SLC71A1: variants seen among roughly 807,000 people sequenced by gnomAD.
SLC71A1 encodes the protein hippocampus abundant gene transcript 1.
chr1:100,063,475 A>G, the SLC71A1 span, among the ~76,000 whole-genome samples: 1 of 151,886 alleles, frequency 6.6e-6, no homozygotes, highest in Non-Finnish European at 1.5e-5. Flanking sequence ...ACTCCAGTCT[A>G]GGGTACAGAG....
the SLC71A1 span, chr1:100,078,569 G>A: frequency 1.5e-5 from 22 of 1,507,928 alleles, no homozygotes; most frequent in East Asian, 1.4e-4. Context: ...AGGAACTAGC[G>A]ATAATTATTT....
chr1:100,062,031 A>C, the SLC71A1 span: 1 of 770,406 alleles, frequency 1.3e-6, no homozygotes, highest in South Asian at 1.8e-5. Context: ...AGGAGTGCAA[A>C]CCTTTGCATT....
the SLC71A1 span, among the ~76,000 whole-genome samples, chr1:100,049,318 A>G: frequency 7.4e-6 from 1 of 135,014 alleles, no homozygotes; most frequent in Non-Finnish European, 1.6e-5. Context: ...TGCTTCATTT[A>G]TGGTTTTTTT....
the SLC71A1 span, among the ~76,000 whole-genome samples, chr1:100,062,659 T>C: frequency 6.6e-6 from 1 of 152,172 alleles, no homozygotes; most frequent in Non-Finnish European, 1.5e-5. Context: ...AAATAAGGAC[T>C]GAATATTGTG....
At chr1:100,060,491 A>T in the SLC71A1 span, among the ~76,000 whole-genome samples, 1 of 152,230 alleles carries the variant, frequency 6.6e-6, no homozygotes, top group African/African-American at 2.4e-5. Flanking sequence ...CCAGTGGAGC[A>T]GACTTTTTCT....
At chr1:100,066,401 A>G in the SLC71A1 span, among the ~76,000 whole-genome samples, 143 of 152,328 alleles carry the variant, frequency 9.4e-4, no homozygotes, top group African/African-American at 3.3e-3. Flanking sequence ...AGAGCACTTA[A>G]GGGTTTATGG....
chr1:100,066,761 G>A, the SLC71A1 span, among the ~76,000 whole-genome samples: 5 of 151,860 alleles, frequency 3.3e-5, no homozygotes, highest in East Asian at 1.9e-4. Context: ...AGGCCGAGGC[G>A]GGCGGATCAC....
chr1:100,073,481 C>T, the SLC71A1 span, among the ~76,000 whole-genome samples: 1 of 152,188 alleles, frequency 6.6e-6, no homozygotes, highest in South Asian at 2.1e-4. Context: ...TTCTCTTTCC[C>T]CAGATCTTTG....
At chr1:100,056,542 G>A in the SLC71A1 span, among the ~76,000 whole-genome samples, 1 of 152,186 alleles carries the variant, frequency 6.6e-6, no homozygotes, top group East Asian at 1.9e-4. Context: ...CCTGGGAGGC[G>A]GAGGTTGCAG....
chr1:100,070,528 T>C, the SLC71A1 span, among the ~76,000 whole-genome samples: 2 of 152,210 alleles, frequency 1.3e-5, no homozygotes, highest in African/African-American at 4.8e-5. Context: ...GTGTGTATCT[T>C]GGCAGCCCAG....
chr1:100,046,212 G>GTTTTTTTTTT, the SLC71A1 span, among the ~76,000 whole-genome samples: 39 of 54,118 alleles, frequency 7.2e-4, 13 homozygotes, highest in Admixed American at 2.4e-3. Context: ...TCCAAGCCTC[G>GTTTTTTTTTT]TTTTTTTTTT....
At chr1:100,052,219 T>A in the SLC71A1 span, among the ~76,000 whole-genome samples, 1 of 152,218 alleles carries the variant, frequency 6.6e-6, no homozygotes, top group Non-Finnish European at 1.5e-5. Flanking sequence ...TAATTTGTTA[T>A]CAGTATTTCA....
At chr1:100,063,808 TGGG>T in the SLC71A1 span, among the ~76,000 whole-genome samples, 1 of 151,908 alleles carries the variant, frequency 6.6e-6, no homozygotes, top group African/African-American at 2.4e-5. Context: ...AAAAGGGGGT[TGGG>T]GGGTGCGGGG....
At chr1:100,049,433 A>G in the SLC71A1 span, among the ~76,000 whole-genome samples, 1 of 151,372 alleles carries the variant, frequency 6.6e-6, no homozygotes, top group Non-Finnish European at 1.5e-5. Context: ...AGAATTAAAT[A>G]TAGACTCCTT....
At chr1:100,078,676 A>T in the SLC71A1 span, 2 of 633,872 alleles carry the variant, frequency 3.2e-6, no homozygotes, top group East Asian at 2.7e-5. Context: ...CTTTTGATAT[A>T]AACAGGAAAA....
chr1:100,046,995 A>G, the SLC71A1 span, among the ~76,000 whole-genome samples: 1 of 152,174 alleles, frequency 6.6e-6, no homozygotes, highest in Admixed American at 6.5e-5. Flanking sequence ...AGGTCATGTC[A>G]TCTGTAAAGA....
the SLC71A1 span, among the ~76,000 whole-genome samples, chr1:100,052,889 T>G: frequency 1.3e-5 from 2 of 152,032 alleles, no homozygotes; most frequent in African/African-American, 4.8e-5. Context: ...GTTCAAGCAA[T>G]TCTCCTGCCT....
the SLC71A1 span, among the ~76,000 whole-genome samples, chr1:100,058,471 C>T: frequency 6.6e-6 from 1 of 152,024 alleles, no homozygotes; most frequent in African/African-American, 2.4e-5. Flanking sequence ...TGTAAAGTGC[C>T]CAATGTAGTG....
At chr1:100,039,507 TTA>T in the SLC71A1 span, among the ~76,000 whole-genome samples, 1 of 152,244 alleles carries the variant, frequency 6.6e-6, no homozygotes, top group Non-Finnish European at 1.5e-5. Context: ...TTAACGTTTA[TTA>T]TATGTTATAG....
Sources: allele counts gnomAD v4.1 joint callset (sites outside exome capture counted in the v4.1 genomes callset), GRCh38; gene constraint gnomAD v4.1.1; transcripts MANE v1.5; gene names NCBI Gene and HGNC (gene_info 2026-07-23, HGNC 2026-07-21).